Variants in ABCA2 observed in about 807,000 individuals in gnomAD.
ABCA2 encodes the protein ATP binding cassette subfamily A member 2, also known as ATP-binding cassette sub-family A member 2.
In ABCA2, 84 loss-of-function variants were observed where a neutral mutation model predicts 262.8. The observed-to-expected ratio is 0.32, with a 90% CI of 0.27 to 0.38. ABCA2 has a LOEUF of 0.38. Ranked by LOEUF, ABCA2 falls within the 10% of genes least tolerant of loss-of-function variation. The probability of loss-of-function intolerance (pLI) is 1.00; values close to 1 mark genes in which losing one functional copy is unlikely to be tolerated. For missense variants in ABCA2, 2,662 were observed against 3,405.9 expected (o/e 0.78, Z 5.44); for synonymous variants, 1,696 against 1,502.9 (o/e 1.13, Z -2.97).
Position 137,007,730 on chromosome 9 carries a change from T to G in ABCA2, c.*199A>C. 1 of 722,618 alleles carries G rather than the reference T, an allele frequency of 1.4e-6. No homozygotes were observed. The highest frequency in any genetic ancestry group is 2.3e-6 in the Non-Finnish European group (1 of 433,322). The allele number at this position is 722,618 out of a possible 1,614,324, so 44.8% of individuals were successfully genotyped here. Reference sequence around the variant, plus strand: ...ACGCAGCCCGGGCCGGGTCAGCCTTTGGCACAATTAGGGGCGGCAACCGCA... The same window carrying G: ...ACGCAGCCCGGGCCGGGTCAGCCTTGGGCACAATTAGGGGCGGCAACCGCA... On this transcript the variant is annotated 3_prime_UTR_variant, in exon 49 of 49. Transcript: ENST00000341511.
chr9:137,008,185 T>G, intron 48 of ABCA2: 1 of 803,446 alleles, frequency 1.2e-6, no homozygotes, highest in South Asian at 1.5e-5. Context: ...TCTGGTCCCC[T>G]CTGCCCCACC....
chr9:137,026,423 G>A (rs1182909242), intron 1 of ABCA2, among the ~76,000 whole-genome samples: 1 of 152,162 alleles, frequency 6.6e-6, no homozygotes, highest in African/African-American at 2.4e-5. Flanking sequence ...TGGGGACCCA[G>A]CAGGAGTGTG....
Position 137,009,561 on chromosome 9 carries a change from T to G in ABCA2, c.6714A>C (p.Ser2238=). Residue 2238 remains serine, a synonymous_variant, in exon 44 of 49, where the codon TCA becomes TCC. Transcript: ENST00000341511. ...CTCACCTGTGTGATGTCAGCACCAC[T>G]GAACGCCCTGTCTTGATGAGGTCAA... is the stretch of plus-strand genomic sequence containing the variant. The part of the protein sequence containing the change: ...LILDLIKTGR[S]VVLTSHSMEE... 6.2e-7 allele frequency: 1 copy of G among 1,612,864 alleles called. No individual in the cohort carries two copies. The highest frequency in any genetic ancestry group is 2.2e-5 in the East Asian group (1 of 44,876).
chr9:137,009,329 C>A (rs749697911), intron 45 of ABCA2, 41 bp downstream of exon 45: 2 of 1,049,822 alleles, frequency 1.9e-6, no homozygotes, highest in Non-Finnish European at 2.8e-6. Context: ...CCGCCCCCCC[C>A]GGGCCCGCCC....
At chr9:137,024,992 G>A (rs1441832338) in intron 1 of ABCA2, among the ~76,000 whole-genome samples, 1 of 152,156 alleles carries the variant, frequency 6.6e-6, no homozygotes, top group African/African-American at 2.4e-5. Flanking sequence ...TAGAGACGGG[G>A]TTTCACCGTG....
rs543664782 is a variant in ABCA2 at position 137,008,857 on chromosome 9, G to A, written c.6942C>T (p.His2314=). ...ACTTGAGCTGGTACTGCACCTTTGT[G>A]TGGTGCCGCTCCTGCAGGGGGGGAG... ...FPEAMLKERH[H]TKVQYQLKSE... Residue 2314 remains histidine (H), a synonymous_variant, in exon 47 of 49, where the codon CAC becomes CAT. Transcript: ENST00000341511. 3 of 1,604,696 alleles carry A rather than the reference G, an allele frequency of 1.9e-6. No homozygotes were observed. Among genetic ancestry groups the A allele is most frequent in the East Asian group, 4.5e-5 (2 of 44,848 alleles).
chr9:137,017,222 T>C lies in ABCA2; in HGVS notation c.2527A>G (p.Ile843Val). 1 of 1,612,518 alleles carries C rather than the reference T, an allele frequency of 6.2e-7. No individual in the cohort carries two copies. Among genetic ancestry groups the C allele is most frequent in the East Asian group, 2.2e-5 (1 of 44,864 alleles). Residue 843 changes from isoleucine to valine, a missense_variant, in exon 18 of 49, where the codon ATC (isoleucine) becomes GTC (valine). Transcript: ENST00000341511. ...AIREEVAHDK[I>V]TAFEKCIASL... Reference sequence around the variant, plus strand: ...GCGATGCACTTCTCGAAGGCCGTGATCTTATCATGCGCCACCTCCTCTCGG... The same window carrying C: ...GCGATGCACTTCTCGAAGGCCGTGACCTTATCATGCGCCACCTCCTCTCGG...
rs1326279475 is a variant in ABCA2 at position 137,028,156 on chromosome 9, C to T, written c.-16G>A. ...GGAAGCCCATGGCGGGGCCACGCTC[C>T]GCCGCCTCAGCGCCGCGGCCCGCTC... On this transcript the variant is annotated 5_prime_UTR_variant, in exon 1 of 49. Transcript: ENST00000341511. The surrounding 1 kb of genome is among the most constrained non-coding windows in gnomAD (Gnocchi z 6.9). 1 of 982,008 alleles carries T rather than the reference C, an allele frequency of 1.0e-6. No homozygotes were observed. The highest frequency in any genetic ancestry group is 4.5e-5 in the South Asian group (1 of 22,118). 60.8% of individuals were successfully genotyped at this position (982,008 alleles called of 1,614,324 possible).
At position 137,021,761 on chromosome 9, in the gene ABCA2, C is replaced by T. The variant is rs548555073; in HGVS notation, c.678+130G>A. 23 of 1,227,378 alleles carry T rather than the reference C, an allele frequency of 1.9e-5. 1 individual carries two copies. The South Asian group carries it at 2.0e-4, about 10-fold the overall frequency. The allele number at this position is 1,227,378 out of a possible 1,614,324, so 76.0% of individuals were successfully genotyped here. A position where few individuals can be genotyped will look rare whatever the true frequency, so the allele number is the denominator to read the frequency against. ...TCTACCCCTCATGCCTGCCATAGAC[C>T]CCTGGGACCCTCCCCCTCTCCCAGG... On this transcript the variant is annotated intron_variant, in intron 7 of 48. Coordinates refer to ENST00000341511, the MANE Select transcript of ABCA2 (RefSeq NM_001606.5). This position sits in a 1 kb window ranked among gnomAD's most constrained non-coding sequence, Gnocchi z 6.0.
In ABCA2 at chr9:137,013,857, G is replaced by A. The variant is rs368987383; in HGVS notation, c.4422C>T (p.Thr1474=). The change falls in exon 28 of 49, where the codon ACC becomes ACT. Residue 1474 remains threonine (T), a synonymous_variant. Transcript: ENST00000341511. ...LPAFFVCVAM[T]VALSVPEIGD... ...CAATCTCCGGGACGGACAGGGCCAC[G>A]GTCATGGCCACGCAGACGAAGAAGG... 1.6e-5 allele frequency: 25 copies of A among 1,610,380 alleles called. No individual in the cohort carries two copies. The highest frequency in any genetic ancestry group is 2.7e-5 in the African/African-American group (2 of 74,988).
upstream of ABCA2, chr9:137,028,712 C>G: frequency 8.0e-7 from 1 of 1,249,562 alleles, no homozygotes; most frequent in African/African-American, 1.6e-5. This position sits in a 1 kb window ranked among gnomAD's most constrained non-coding sequence, Gnocchi z 6.9. Context: ...CCAGGTGGTG[C>G]CCACCTGGAA....
At chr9:137,026,688 ACT>A (rs1016659273) in intron 1 of ABCA2, among the ~76,000 whole-genome samples, 1 of 151,750 alleles carries the variant, frequency 6.6e-6, no homozygotes, top group African/African-American at 2.4e-5. Context: ...CATAGGCCAC[ACT>A]CCCTTCCCTG....
chr9:137,023,355 C>T (rs1274530460), intron 3 of ABCA2: 2 of 690,006 alleles, frequency 2.9e-6, no homozygotes, highest in Non-Finnish European at 5.3e-6. Flanking sequence ...TGGCACTCTC[C>T]CCCCGAAAAC....
chr9:137,028,130 A>G lies in ABCA2; in HGVS notation c.11T>C (p.Leu4Pro), dbSNP rs979668705. 4 of 985,016 alleles carry G rather than the reference A, an allele frequency of 4.1e-6. No homozygotes were observed. The highest frequency in any genetic ancestry group is 1.3e-4 in the Admixed American group (2 of 15,832). 61.0% of individuals were successfully genotyped at this position (985,016 alleles called of 1,614,324 possible). A position where few individuals can be genotyped will look rare whatever the true frequency, so the allele number is the denominator to read the frequency against. The stretch of plus-strand genomic sequence containing the variant: ...CCAGAGCAGCAGCTGCAGCTGGTGC[A>G]GGAAGCCCATGGCGGGGCCACGCTC... MGF[L>P]HQLQLLLWKN... Residue 4 changes from leucine (L) to proline (P), a missense_variant, in exon 1 of 49, where the codon CTG (leucine) becomes CCG (proline). By Grantham distance (98) the Leu-to-Pro change is moderately conservative (BLOSUM62 -3). Coordinates refer to ENST00000341511, the MANE Select transcript of ABCA2 (RefSeq NM_001606.5). The surrounding 1 kb of genome is among the most constrained non-coding windows in gnomAD (Gnocchi z 6.9).
At position 137,023,084 on chromosome 9, in the gene ABCA2, G is replaced by T. The variant is rs756410673; in HGVS notation, c.164-32C>A. ...GACCCACGGGAGAGGGCAGGGTCGG[G>T]GGTGAAAGGGGAGAGAGAGAGAGAG... On this transcript the variant is annotated intron_variant, in intron 3 of 48. Coordinates refer to ENST00000341511, the MANE Select transcript of ABCA2 (RefSeq NM_001606.5). 4 of 1,502,850 alleles carry T rather than the reference G, an allele frequency of 2.7e-6. No homozygotes were observed. In the Admixed American group the frequency reaches 7.8e-5, roughly 29 times the overall value. 93.1% of individuals were successfully genotyped at this position (1,502,850 alleles called of 1,614,324 possible). A position where few individuals can be genotyped will look rare whatever the true frequency, so the allele number is the denominator to read the frequency against.
At chr9:137,008,192 C>T (rs1830899953) in intron 48 of ABCA2, 2 of 800,058 alleles carry the variant, frequency 2.5e-6, no homozygotes, top group Non-Finnish European at 4.2e-6. Flanking sequence ...CCCTCTGCCC[C>T]ACCCTTGCTC....
At chr9:137,020,165 G>A in intron 10 of ABCA2, 171 bp downstream of exon 10, 2 of 778,026 alleles carry the variant, frequency 2.6e-6, no homozygotes, top group Non-Finnish European at 1.9e-6. Flanking sequence ...GCTCCCGAAA[G>A]GAAAAGCGAC....
intron 48 of ABCA2, 45 bp from the exon 49 acceptor site, chr9:137,008,009 C>T (rs1370743660): frequency 1.3e-6 from 2 of 1,587,070 alleles, no homozygotes; most frequent in South Asian, 2.2e-5. Context: ...CTGTGCCACC[C>T]CCTGCTGGGG....
At position 137,012,038 on chromosome 9, in the gene ABCA2, A is replaced by G. The variant is rs375119328; in HGVS notation, c.5361-20T>C. ...TGCAGCCTGGGGCAAGGAAGCCCTC[A>G]GTCCTCACGGCCGGGGCTGCAGTGC... On this transcript the variant is annotated intron_variant, in intron 34 of 48. Coordinates refer to ENST00000341511, the MANE Select transcript of ABCA2 (RefSeq NM_001606.5). 86 of 1,612,158 alleles carry G rather than the reference A, an allele frequency of 5.3e-5. No homozygotes were observed. Among genetic ancestry groups the G allele is most frequent in the Middle Eastern group, 4.9e-4 (3 of 6,082 alleles).
Sources: gnomAD v4.1 joint callset for allele counts (sites outside exome capture counted in the v4.1 genomes callset) on GRCh38, gnomAD v4.1.1 for gene constraint, Gnocchi (gnomAD v3.1) non-coding constraint, MANE v1.5 for transcripts, NCBI Gene and HGNC (gene_info 2026-07-23, HGNC 2026-07-21) for gene names.